The following KIF16B variants were observed in gnomAD, a reference collection of about 807,000 sequenced individuals.
KIF16B encodes the protein kinesin-like protein KIF16B.
A neutral mutation model predicts 156.3 loss-of-function variants in KIF16B; 98 were observed. The ratio of observed to expected loss-of-function variants is 0.63; its 90% CI spans 0.53 to 0.74. KIF16B has a LOEUF of 0.74. Among genes scored for constraint, KIF16B ranks in the 30% least tolerant of loss-of-function variants. KIF16B has a pLI of 0.00. For synonymous variants in KIF16B, 564 were observed against 583.7 expected, an observed-to-expected ratio of 0.97 and a Z score of 0.49; for missense variants, 1,421 against 1,606.5, an observed-to-expected ratio of 0.88 and a Z score of 1.97.
Position 16,356,428 on chromosome 20 carries a change from C to T in KIF16B, c.3523G>A (p.Ala1175Thr), listed in dbSNP as rs752942736. The change falls in exon 23 of 26, where the codon GCA becomes ACA. Residue 1175 changes from alanine (A) to threonine (T), a missense_variant. Coordinates refer to ENST00000354981, the MANE Select transcript of KIF16B (RefSeq NM_024704.5). ...GGGTCCTTCAGGTCATCTGGATTTGCGCCCAAAGAGCGAGAAACCATCCGC... is the reference window on the plus strand; with the variant it reads ...GGGTCCTTCAGGTCATCTGGATTTGTGCCCAAAGAGCGAGAAACCATCCGC... ...YERMVSRSLGANPDDLKDPIK... is the reference protein window; with the variant it reads ...YERMVSRSLGTNPDDLKDPIK... 1.2e-5 allele frequency: 19 copies of T among 1,614,030 alleles called. No homozygotes were observed. The highest frequency in any genetic ancestry group is 1.6e-4 in the Middle Eastern group (1 of 6,062).
At chr20:16,294,706 G>A (rs969272215) in intron 25 of KIF16B, among the ~76,000 whole-genome samples, 6 of 152,170 alleles carry the variant, frequency 3.9e-5, no homozygotes, top group Non-Finnish European at 7.4e-5. Context: ...CACCCACACC[G>A]GAAAAGCCCA....
intron 1 of KIF16B, among the ~76,000 whole-genome samples, chr20:16,529,158 T>C (rs6080285): frequency 0.13 from 19,354 of 151,788 alleles, 1,506 homozygotes; most frequent in South Asian, 0.19. Flanking sequence ...TTAAAACCTA[T>C]GTATTTTTCA....
At chr20:16,343,560 C>A (rs75012113) in intron 23 of KIF16B, among the ~76,000 whole-genome samples, 1 of 152,246 alleles carries the variant, frequency 6.6e-6, no homozygotes, top group East Asian at 1.9e-4. Context: ...AAGAAATAGT[C>A]TAATAGCAAC....
At chr20:16,508,667 T>C (rs2068862404) in intron 6 of KIF16B, among the ~76,000 whole-genome samples, 1 of 152,154 alleles carries the variant, frequency 6.6e-6, no homozygotes, top group South Asian at 2.1e-4. Context: ...CACCTCCTAC[T>C]GTGCGACCCA....
chr20:16,281,415 T>C (rs1402761829), intron 25 of KIF16B, among the ~76,000 whole-genome samples: 2 of 152,126 alleles, frequency 1.3e-5, no homozygotes, highest in South Asian at 4.1e-4. Context: ...CAGGCCTGAA[T>C]GGAGCTACTC....
chr20:16,335,315 T>C (rs1601591710), intron 24 of KIF16B, among the ~76,000 whole-genome samples: 1 of 152,222 alleles, frequency 6.6e-6, no homozygotes, highest in Non-Finnish European at 1.5e-5. Context: ...AGGAATACTT[T>C]GCTTAAAATT....
chr20:16,372,654 T>C (rs1400669581), intron 20 of KIF16B, among the ~76,000 whole-genome samples: 1 of 152,218 alleles, frequency 6.6e-6, no homozygotes, highest in Non-Finnish European at 1.5e-5. Flanking sequence ...GAAGTCATTC[T>C]GTTCTAGACT....
At chr20:16,277,843 A>T (rs2063086900) in intron 25 of KIF16B, among the ~76,000 whole-genome samples, 1 of 152,230 alleles carries the variant, frequency 6.6e-6, no homozygotes, top group Admixed American at 6.5e-5. Flanking sequence ...TTTCTCCATT[A>T]TAAAAAGAAA....
chr20:16,530,392 G>C (rs2069702381), intron 1 of KIF16B, among the ~76,000 whole-genome samples: 2 of 152,156 alleles, frequency 1.3e-5, no homozygotes, highest in African/African-American at 4.8e-5. Context: ...CTTCTGTCTT[G>C]CTGGCTCTCT....
At chr20:16,392,065 G>A (rs942894319) in intron 17 of KIF16B, among the ~76,000 whole-genome samples, 21 of 152,296 alleles carry the variant, frequency 1.4e-4, no homozygotes, top group African/African-American at 5.1e-4. Context: ...ATGCTCTCAT[G>A]TTTACAATAA....
chr20:16,346,832 A>G (rs1202425063), intron 23 of KIF16B, among the ~76,000 whole-genome samples: 1 of 152,214 alleles, frequency 6.6e-6, no homozygotes, highest in East Asian at 1.9e-4. Flanking sequence ...ACGGGGACTT[A>G]TTCTACTTTA....
At chr20:16,349,736 G>A (rs1201745671) in intron 23 of KIF16B, among the ~76,000 whole-genome samples, 3 of 152,212 alleles carry the variant, frequency 2.0e-5, no homozygotes, top group African/African-American at 7.2e-5. Flanking sequence ...TGGTTCTTCA[G>A]TTGTAAAAAC....
chr20:16,519,425 C>G (rs953578544), intron 3 of KIF16B, among the ~76,000 whole-genome samples: 4 of 152,162 alleles, frequency 2.6e-5, no homozygotes, highest in African/African-American at 9.6e-5. Context: ...CTATTTTTCC[C>G]AGATGTTTGA....
At chr20:16,408,712 A>G (rs1344241412) in intron 15 of KIF16B, among the ~76,000 whole-genome samples, 2 of 152,116 alleles carry the variant, frequency 1.3e-5, no homozygotes, top group African/African-American at 4.8e-5. Context: ...AATACACACA[A>G]AAAGCCCTGT....
At chr20:16,287,125 T>C (rs1372177060) in intron 25 of KIF16B, among the ~76,000 whole-genome samples, 3 of 152,178 alleles carry the variant, frequency 2.0e-5, no homozygotes, top group African/African-American at 7.2e-5. Context: ...CAATGATAGA[T>C]AACCAAAATA....
chr20:16,286,800 A>C (rs915050402), intron 25 of KIF16B, among the ~76,000 whole-genome samples: 4 of 152,230 alleles, frequency 2.6e-5, no homozygotes, highest in African/African-American at 9.6e-5. Context: ...GGTGGCCCCA[A>C]TGAACCACAT....
intron 12 of KIF16B, among the ~76,000 whole-genome samples, chr20:16,451,669 T>C (rs1372134950): frequency 6.6e-6 from 1 of 152,164 alleles, no homozygotes; most frequent in East Asian, 1.9e-4. Context: ...TAAAGCAACA[T>C]TAAACCAACT....
chr20:16,567,538 G>A (rs1478294922), intron 1 of KIF16B, among the ~76,000 whole-genome samples: 4 of 152,170 alleles, frequency 2.6e-5, no homozygotes, highest in Non-Finnish European at 5.9e-5. Context: ...ACTACATAAA[G>A]GGCTCTGAAG....
intron 24 of KIF16B, among the ~76,000 whole-genome samples, chr20:16,317,960 C>T (rs182462237): frequency 3.3e-5 from 5 of 152,298 alleles, no homozygotes; most frequent in Admixed American, 2.0e-4. Context: ...GGCTTTATCG[C>T]CCACAGCCAG....
Sources: gnomAD v4.1 joint callset for allele counts (sites outside exome capture counted in the v4.1 genomes callset) on GRCh38, gnomAD v4.1.1 for gene constraint, MANE v1.5 for transcripts, NCBI Gene and HGNC (gene_info 2026-07-23, HGNC 2026-07-21) for gene names.